Variants in KHDRBS2 observed in about 807,000 individuals in gnomAD.
The protein encoded by KHDRBS2 is KH RNA binding domain containing, signal transduction associated 2.
A neutral mutation model predicts 44.3 loss-of-function variants in KHDRBS2; 26 were observed. That is an observed-to-expected ratio of 0.59 (90% confidence interval 0.43 to 0.81). KHDRBS2 has a LOEUF of 0.81. KHDRBS2 is among the 40% of genes least tolerant of loss of function. The pLI, the probability that KHDRBS2 is intolerant of heterozygous loss-of-function variation, is 0.00. For synonymous variants in KHDRBS2, 194 were observed against 151.1 expected, an observed-to-expected ratio of 1.28 and a Z score of -2.08; for missense variants, 476 against 433.1, an observed-to-expected ratio of 1.10 and a Z score of -0.88.
chr6:62,183,514 T>C (rs186592261), intron 1 of KHDRBS2, among the ~76,000 whole-genome samples: 1 of 151,668 alleles, frequency 6.6e-6, no homozygotes, highest in African/African-American at 2.4e-5. Flanking sequence ...ATATTTATAT[T>C]CCTAAAATTA....
chr6:62,080,586 A>G (rs1797200209), intron 2 of KHDRBS2, among the ~76,000 whole-genome samples: 1 of 152,158 alleles, frequency 6.6e-6, no homozygotes, highest in Non-Finnish European at 1.5e-5. Context: ...GAATGTGGTT[A>G]TATTTTGTGG....
Position 62,013,656 on chromosome 6 carries a change from T to C in KHDRBS2, c.336+34222A>G, listed in dbSNP as rs567722886. Among the ~76,000 whole-genome samples the C allele has an allele frequency of 2.0e-5, 3 of 152,308 alleles. No individual in the cohort carries two copies. The South Asian group carries it at 6.2e-4, about 32-fold the overall frequency. On this transcript the variant is annotated intron_variant, in intron 3 of 8. Coordinates refer to ENST00000281156, the MANE Select transcript of KHDRBS2 (RefSeq NM_152688.4). ...TATGAACTAACACTCAGTCAGACAC[T>C]GTTCTATGTGCTTTTGGAAACGCTA...
At chr6:61,692,162 C>A (rs1767446136) in intron 8 of KHDRBS2, among the ~76,000 whole-genome samples, 1 of 151,930 alleles carries the variant, frequency 6.6e-6, no homozygotes, top group African/African-American at 2.4e-5. Context: ...TAAAATGCAG[C>A]CTTAGTGAAT....
In KHDRBS2 at chr6:61,818,266, T is replaced by TAAAAAAAAA. The variant is rs60399147; in HGVS notation, c.810+76360_810+76368dup. ...ATTGGGCAGAGAAAACCTCTGTAAG[T>TAAAAAAAAA]AAAAAAAAAAAAAAAAAGGATAGTA... On this transcript the variant is annotated intron_variant, in intron 6 of 8. Coordinates refer to ENST00000281156, the MANE Select transcript of KHDRBS2 (RefSeq NM_152688.4). Among the ~76,000 whole-genome samples the TAAAAAAAAA allele has an allele frequency of 3.6e-3, 413 of 114,370 alleles. 15 individuals are homozygous for TAAAAAAAAA. The highest frequency in any genetic ancestry group is 0.013 in the African/African-American group (399 of 31,796). 75.0% of individuals were successfully genotyped at this position (114,370 alleles called of 152,430 possible). A position where few individuals can be genotyped will look rare whatever the true frequency, so the allele number is the denominator to read the frequency against.
Position 61,779,448 on chromosome 6 carries a change from T to C in KHDRBS2, c.811-46684A>G, listed in dbSNP as rs1191872042. Reference sequence around the variant, plus strand: ...AGCTGATTTTTAGATGAGGGTGTGGTTCAAAAAAACTTTTAATTAACATCA... The same window carrying C: ...AGCTGATTTTTAGATGAGGGTGTGGCTCAAAAAAACTTTTAATTAACATCA... On this transcript the variant is annotated intron_variant, in intron 6 of 8. Coordinates refer to ENST00000281156, the MANE Select transcript of KHDRBS2 (RefSeq NM_152688.4). 2.6e-5 allele frequency among the ~76,000 whole-genome samples: 4 copies of C among 152,056 alleles called. No homozygotes were observed. In the East Asian group the frequency reaches 7.7e-4, roughly 29 times the overall value.
intron 7 of KHDRBS2, among the ~76,000 whole-genome samples, chr6:61,717,706 TGTAGACTCA>T (rs1771679935): frequency 6.6e-6 from 1 of 152,166 alleles, no homozygotes; most frequent in East Asian, 1.9e-4. Flanking sequence ...GAGGGATTTC[TGTAGACTCA>T]GTATCAAATA....
At chr6:61,913,031 C>T (rs1806330859) in intron 4 of KHDRBS2, among the ~76,000 whole-genome samples, 1 of 152,100 alleles carries the variant, frequency 6.6e-6, no homozygotes, top group African/African-American at 2.4e-5. Context: ...TCATCACAGA[C>T]ATGGGAGAAG....
chr6:61,700,119 T>C (rs1768412183), intron 7 of KHDRBS2, among the ~76,000 whole-genome samples: 1 of 151,830 alleles, frequency 6.6e-6, no homozygotes, highest in African/African-American at 2.4e-5. Flanking sequence ...GTCCCACTTA[T>C]AGCAGCATAG....
chr6:61,844,823 T>C (rs1583125105), intron 6 of KHDRBS2, among the ~76,000 whole-genome samples: 1 of 152,350 alleles, frequency 6.6e-6, no homozygotes, highest in East Asian at 1.9e-4. Context: ...TTGACTATCT[T>C]TATTTATTTT....
chr6:62,041,094 G>A (rs1786383213), intron 3 of KHDRBS2, among the ~76,000 whole-genome samples: 1 of 152,060 alleles, frequency 6.6e-6, no homozygotes, highest in South Asian at 2.1e-4. Context: ...ACTTTCCGAG[G>A]CTGAGGCGGG....
intron 2 of KHDRBS2, among the ~76,000 whole-genome samples, chr6:62,157,999 G>A (rs1584992289): frequency 6.6e-6 from 1 of 152,100 alleles, no homozygotes; most frequent in East Asian, 1.9e-4. Context: ...GATTTAATCA[G>A]GTAATAATAT....
chr6:62,008,293 C>T (rs1372727398), intron 3 of KHDRBS2, among the ~76,000 whole-genome samples: 1 of 151,922 alleles, frequency 6.6e-6, no homozygotes, highest in African/African-American at 2.4e-5. Context: ...TAAACCTAAA[C>T]AAAAGACTCT....
intron 6 of KHDRBS2, among the ~76,000 whole-genome samples, chr6:61,742,951 A>G (rs1258166136): frequency 2.0e-5 from 3 of 152,094 alleles, no homozygotes; most frequent in Non-Finnish European, 2.9e-5. Context: ...CATATTTCTG[A>G]AATCTAGATT....
chr6:61,930,733 TATAAGTCAAC>T (rs66471824), intron 4 of KHDRBS2, among the ~76,000 whole-genome samples: 69,116 of 150,668 alleles, frequency 0.46, 16,070 homozygotes, highest in East Asian at 0.57. Context: ...GGCTAATCAA[TATAAGTCAAC>T]ATAAGTCAAA....
At chr6:61,751,957 G>A (rs1005273472) in intron 6 of KHDRBS2, among the ~76,000 whole-genome samples, 1 of 151,998 alleles carries the variant, frequency 6.6e-6, no homozygotes, top group African/African-American at 2.4e-5. Flanking sequence ...GTGTGTGTGT[G>A]TGTCATAATC....
chr6:62,177,077 C>G, intron 2 of KHDRBS2, 108 bp downstream of exon 2: 1 of 684,536 alleles, frequency 1.5e-6, no homozygotes, highest in East Asian at 3.0e-5. Flanking sequence ...CATACACTTA[C>G]ATTATGAAGC....
intron 6 of KHDRBS2, among the ~76,000 whole-genome samples, chr6:61,875,113 TG>T (rs903815246): frequency 2.0e-5 from 3 of 152,088 alleles, no homozygotes; most frequent in Non-Finnish European, 4.4e-5. Context: ...AATTTTGATT[TG>T]GGGACCTGAT....
chr6:61,930,210 C>G (rs1330108253), intron 4 of KHDRBS2, among the ~76,000 whole-genome samples: 2 of 152,038 alleles, frequency 1.3e-5, no homozygotes, highest in African/African-American at 4.8e-5. Context: ...CTGCAGGCAC[C>G]TTGATATTAA....
At chr6:61,989,761 C>T (rs188454599) in intron 3 of KHDRBS2, among the ~76,000 whole-genome samples, 1 of 152,288 alleles carries the variant, frequency 6.6e-6, no homozygotes, top group Admixed American at 6.5e-5. Context: ...GTAACAGATG[C>T]TGTTGATACT....
Sources: gnomAD v4.1 joint callset for allele counts (sites outside exome capture counted in the v4.1 genomes callset) on GRCh38, gnomAD v4.1.1 for gene constraint, MANE v1.5 for transcripts, NCBI Gene and HGNC (gene_info 2026-07-23, HGNC 2026-07-21) for gene names.